The following FBN2 variants were observed in gnomAD, a reference collection of about 807,000 sequenced individuals.
The protein encoded by FBN2 is fibrillin-2.
In FBN2, 105 loss-of-function variants were observed where a neutral mutation model predicts 355.6. That is an observed-to-expected ratio of 0.30 (90% CI 0.25 to 0.35). The LOEUF (loss-of-function observed/expected upper bound fraction) is 0.35. FBN2 is among the 10% of genes least tolerant of loss of function. The pLI, the probability that FBN2 is intolerant of heterozygous loss-of-function variation, is 1.00. For missense variants in FBN2, 3,280 were observed against 3,758.7 expected, an observed-to-expected ratio of 0.87 and a Z score of 3.33; for synonymous variants, 1,350 against 1,301.2, an observed-to-expected ratio of 1.04 and a Z score of -0.81.
Position 128,374,760 on chromosome 5 carries a change from G to A in FBN2, c.1973-10C>T, listed in dbSNP as rs1269758742. On this transcript the variant is annotated splice_polypyrimidine_tract_variant and intron_variant, in intron 14 of 64. Coordinates refer to ENST00000262464, the MANE Select transcript of FBN2 (RefSeq NM_001999.4). ...TGGCATTCATCAACATCTGTGCAGT[G>A]GGTGACAGAAGCCAAGCAGTTACTG... The A allele has an allele frequency of 6.2e-7, 1 of 1,613,726 alleles. No homozygotes were observed. The highest frequency in any genetic ancestry group is 8.5e-7 in the Non-Finnish European group (1 of 1,179,810).
intron 21 of FBN2, 145 bp from the exon 22 acceptor site, chr5:128,350,150 C>G: frequency 1.4e-6 from 1 of 715,324 alleles, no homozygotes; most frequent in Non-Finnish European, 2.5e-6. Context: ...TCATTGTCCC[C>G]TCTTCATTCA....
At chr5:128,416,089 C>A (rs1229329105) in intron 7 of FBN2, among the ~76,000 whole-genome samples, 1 of 149,284 alleles carries the variant, frequency 6.7e-6, no homozygotes, top group Non-Finnish European at 1.5e-5. Context: ...TGCAATGGGG[C>A]GATCTCGGCT....
chr5:128,318,565 C>T (rs1750274997), intron 35 of FBN2, among the ~76,000 whole-genome samples: 1 of 151,438 alleles, frequency 6.6e-6, no homozygotes, highest in Admixed American at 6.6e-5. Context: ...TAACAAAAAT[C>T]ACATATATAC....
rs1383057814 is a variant in FBN2, at chr5:128,258,327, A to C, written c.*1128T>G. ...TCTTTCATACACAATAGGCTATGAT[A>C]AAATGAGGCATATGGTGTATAACTA... On this transcript the variant is annotated 3_prime_UTR_variant, in exon 65 of 65. Transcript: ENST00000262464. 6.6e-6 allele frequency: 1 copy of C among 152,644 alleles called. No homozygotes were observed. The highest frequency in any genetic ancestry group is 1.5e-5 in the Non-Finnish European group (1 of 68,036). 9.5% of individuals were successfully genotyped at this position (152,644 alleles called of 1,614,324 possible). A position where few individuals can be genotyped will look rare whatever the true frequency, so the allele number is the denominator to read the frequency against.
Position 128,369,299 on chromosome 5 carries a change from T to G in FBN2, c.2131A>C (p.Lys711Gln), listed in dbSNP as rs1751865495. The G allele has an allele frequency of 3.1e-6, 5 of 1,614,032 alleles. No homozygotes were observed. In the African/African-American group the frequency reaches 5.3e-5, roughly 17 times the overall value. The change falls in exon 16 of 65, where the codon AAG becomes CAG. Residue 711 changes from lysine to glutamine, a missense_variant. Physicochemically the swap from Lys to Gln is moderately conservative, Grantham distance 53. This residue lies in a region of FBN2 where 2,284 missense variants were observed against 2,749.5 expected (regional missense o/e 0.83). Coordinates refer to ENST00000262464, the MANE Select transcript of FBN2 (RefSeq NM_001999.4). ...AAAGGACGCACACACACTCCTTTCT[T>G]GATTCCTCCATAGCAGGTACTGCGC... ...HMRSTCYGGI[K>Q]KGVCVRPFPG...
rs144267979 is a variant in FBN2, at chr5:128,466,121, T to C, written c.629-1200A>G. 2.2e-4 allele frequency among the ~76,000 whole-genome samples: 34 copies of C among 152,338 alleles called. No homozygotes were observed. The East Asian group carries it at 6.0e-3, about 27-fold the overall frequency. ...AATTTTAATTTCAGCTTTGTTGTTG[T>C]TGCTGTTTTGAGAGATACAAGAAAT... On this transcript the variant is annotated intron_variant, in intron 5 of 64. Transcript: ENST00000262464.
At chr5:128,354,124 G>C (rs916950926) in intron 20 of FBN2, among the ~76,000 whole-genome samples, 8 of 152,196 alleles carry the variant, frequency 5.3e-5, no homozygotes, top group Non-Finnish European at 1.0e-4. Flanking sequence ...AGGGTAATTA[G>C]CTTGAGGGGA....
intron 5 of FBN2, among the ~76,000 whole-genome samples, chr5:128,507,611 T>C (rs1477264237): frequency 6.6e-6 from 1 of 152,088 alleles, no homozygotes; most frequent in Non-Finnish European, 1.5e-5. Flanking sequence ...TATTCTTAAT[T>C]GAGCTTTGGC....
At chr5:128,278,081 A>G in intron 57 of FBN2, 76 bp from the exon 58 acceptor site, 1 of 1,484,598 alleles carries the variant, frequency 6.7e-7, no homozygotes, top group Middle Eastern at 1.7e-4. Context: ...TCAAAGAGAA[A>G]TGAAGAAATG....
chr5:128,311,712 G>A (rs565291211), intron 38 of FBN2, among the ~76,000 whole-genome samples, 173 bp downstream of exon 38: 1 of 152,222 alleles, frequency 6.6e-6, no homozygotes, highest in African/African-American at 2.4e-5. Flanking sequence ...TCACTGCAAT[G>A]GATCATTACT....
rs190619580 is a variant in FBN2, at chr5:128,486,073, C to T, written c.629-21152G>A. ...TTAACTGCAAAAAAATCAGACATAT[C>T]TCATTAATGCCCATATATAAAAGTA... On this transcript the variant is annotated intron_variant, in intron 5 of 64. Coordinates refer to ENST00000262464, the MANE Select transcript of FBN2 (RefSeq NM_001999.4). Among the ~76,000 whole-genome samples the T allele has an allele frequency of 5.9e-5, 9 of 152,254 alleles. 1 individual carries two copies. The highest frequency in any genetic ancestry group is 2.0e-4 in the Admixed American group (3 of 15,280).
chr5:128,404,243 G>A (rs898780064), intron 8 of FBN2, among the ~76,000 whole-genome samples: 1 of 152,178 alleles, frequency 6.6e-6, no homozygotes, highest in Admixed American at 6.5e-5. Context: ...ACATTAATAT[G>A]TTAGATTAAT....
chr5:128,319,242 A>C (rs1306037987), intron 34 of FBN2, among the ~76,000 whole-genome samples: 1 of 152,068 alleles, frequency 6.6e-6, no homozygotes, highest in East Asian at 1.9e-4. Flanking sequence ...ATTTTGAATG[A>C]CTTGGATTAT....
chr5:128,510,346 C>A (rs1357166630), intron 5 of FBN2, among the ~76,000 whole-genome samples: 1 of 152,210 alleles, frequency 6.6e-6, no homozygotes, highest in African/African-American at 2.4e-5. Flanking sequence ...CTGCATGAAG[C>A]CTGTGAGCCA....
rs145334038 is a variant in FBN2 at position 128,272,811 on chromosome 5, A to C, written c.7841-693T>G. Among the ~76,000 whole-genome samples the C allele has an allele frequency of 3.0e-3, 464 of 152,304 alleles. 2 individuals are homozygous for C. The highest frequency in any genetic ancestry group is 6.8e-3 in the Middle Eastern group (2 of 294). On this transcript the variant is annotated intron_variant, in intron 61 of 64. Coordinates refer to ENST00000262464, the MANE Select transcript of FBN2 (RefSeq NM_001999.4). Reference sequence around the variant, plus strand: ...CATGTCTGAGGGGTGTAACAAATTTACATGGATAATTAATAAATGGTATCT... The same window carrying C: ...CATGTCTGAGGGGTGTAACAAATTTCCATGGATAATTAATAAATGGTATCT...
intron 11 of FBN2, among the ~76,000 whole-genome samples, chr5:128,390,767 C>A (rs1752488811): frequency 6.6e-6 from 1 of 152,116 alleles, no homozygotes; most frequent in Non-Finnish European, 1.5e-5. Context: ...AGTTATTAAT[C>A]TGGCAGACAT....
chr5:128,289,062 C>T (rs563249159), intron 52 of FBN2, 65 bp downstream of exon 52: 1 of 1,552,708 alleles, frequency 6.4e-7, no homozygotes, highest in Non-Finnish European at 8.9e-7. Flanking sequence ...ACCTGAGAGA[C>T]CTTTTACTGA....
At chr5:128,461,196 T>A (rs1364512718) in intron 6 of FBN2, among the ~76,000 whole-genome samples, 1 of 152,028 alleles carries the variant, frequency 6.6e-6, no homozygotes, top group African/African-American at 2.4e-5. Flanking sequence ...GGGCAAAGGA[T>A]ATGAACAGAC....
chr5:128,383,347 C>T (rs1752284645), intron 11 of FBN2, among the ~76,000 whole-genome samples: 1 of 151,936 alleles, frequency 6.6e-6, no homozygotes, highest in Non-Finnish European at 1.5e-5. Context: ...GGATCATAGG[C>T]CTAAAGCTAG....
Sources: gnomAD v4.1 joint callset for allele counts (sites outside exome capture counted in the v4.1 genomes callset) on GRCh38, gnomAD v4.1.1 for gene constraint, gnomAD v4.1.1 regional missense constraint, MANE v1.5 for transcripts, NCBI Gene and HGNC (gene_info 2026-07-23, HGNC 2026-07-21) for gene names.